The following EEF1A1 variants were observed in gnomAD, a reference collection of about 807,000 sequenced individuals.
EEF1A1 encodes eukaryotic translation elongation factor 1 alpha 1, also known as elongation factor 1-alpha 1.
A neutral mutation model predicts 38.5 loss-of-function variants in EEF1A1; 1 was observed. That is an observed-to-expected ratio of 0.03 (90% CI 0.01 to 0.12). The LOEUF is 0.12. Ranked by LOEUF, EEF1A1 falls within the 10% of genes least tolerant of loss-of-function variation. The pLI, the probability that EEF1A1 is intolerant of heterozygous loss-of-function variation, is 1.00. For missense variants in EEF1A1, 184 were observed against 588.3 expected (o/e 0.31, Z 7.11); for synonymous variants, 229 against 203.7 (o/e 1.12, Z -1.06).
intron 1 of EEF1A1, 146 bp from the exon 2 acceptor site, chr6:73,520,202 A>G: frequency 1.4e-6 from 1 of 700,334 alleles, no homozygotes; most frequent in Non-Finnish European, 2.3e-6. Flanking sequence ...AGTGTGGGGA[A>G]ACTCCATCGC....
At chr6:73,519,740 CA>C in intron 2 of EEF1A1, 142 bp downstream of exon 2, 1 of 1,348,752 alleles carries the variant, frequency 7.4e-7, no homozygotes, top group South Asian at 1.4e-5. Context: ...CAGAAGTCAC[CA>C]AAAGCAAAAT....
intron 2 of EEF1A1, among the ~76,000 whole-genome samples, 159 bp from the exon 3 acceptor site, chr6:73,519,675 T>C (rs1765602670): frequency 6.6e-6 from 1 of 152,194 alleles, no homozygotes; most frequent in South Asian, 2.1e-4. Context: ...ATCAAACTTT[T>C]ATAAGTCGGA....
Position 73,517,713 on chromosome 6 carries a change from T to C in EEF1A1, c.*97A>G, listed in dbSNP as rs1404815669. 2 of 633,648 alleles carry C rather than the reference T, an allele frequency of 3.2e-6. No homozygotes were observed. The highest frequency in any genetic ancestry group is 5.4e-6 in the Non-Finnish European group (2 of 367,948). The allele number at this position is 633,648 out of a possible 1,614,324, so 39.3% of individuals were successfully genotyped here. On this transcript the variant is annotated 3_prime_UTR_variant, in exon 8 of 8. Transcript: ENST00000309268. ...TGCATTGTTATCATTAACCAGTCTT[T>C]TACTACTAAACTTAAATGGCCAATT...
chr6:73,519,317 GAATTAT>G lies in EEF1A1; in HGVS notation c.324+14_324+19del. Reference sequence around the variant, plus strand: ...AAGCCTTTTGGGATAAAGAAACCTAGAATTATTAATCCCACCAACCTGAGATGTCCC... The same window carrying G: ...AAGCCTTTTGGGATAAAGAAACCTAGTAATCCCACCAACCTGAGATGTCCC... On this transcript the variant is annotated intron_variant, in intron 3 of 7. Coordinates refer to ENST00000309268, the MANE Select transcript of EEF1A1 (RefSeq NM_001402.6). The G allele has an allele frequency of 1.9e-6, 3 of 1,606,756 alleles. No individual in the cohort carries two copies. The highest frequency in any genetic ancestry group is 2.6e-6 in the Non-Finnish European group (3 of 1,175,430).
At position 73,517,828 on chromosome 6, in the gene EEF1A1, T is replaced by C; in HGVS notation, c.1371A>G (p.Lys457=). ...ATAATATTCATTTAGCCTTCTGAGC[T>C]TTCTGGGCAGACTTGGTGACCTTGC... ...GAGKVTKSAQ[K]AQKAK Residue 457 remains lysine (K), a synonymous_variant, in exon 8 of 8, where the codon AAA becomes AAG. Transcript: ENST00000309268. 6.3e-7 allele frequency: 1 copy of C among 1,580,014 alleles called. No homozygotes were observed.
rs889989006 is a variant in EEF1A1 at position 73,518,067 on chromosome 6, G to A, written c.1227C>T (p.Pro409=). The change falls in exon 7 of 8, where the codon CCC becomes CCT. Residue 409 remains proline, a synonymous_variant. Transcript: ENST00000309268. Reference sequence around the variant, plus strand: ...AGTCTGAGAAGCTCTCAACACACATGGGCTTGCCAGGAACCATATCAACAA... The same window carrying A: ...AGTCTGAGAAGCTCTCAACACACATAGGCTTGCCAGGAACCATATCAACAA... The part of the protein sequence containing the change: ...AAIVDMVPGK[P]MCVESFSDYP... The A allele has an allele frequency of 1.3e-6, 2 of 1,584,654 alleles. No homozygotes were observed. The highest frequency in any genetic ancestry group is 2.7e-5 in the African/African-American group (2 of 74,232).
Position 73,519,394 on chromosome 6 carries a change from G to T in EEF1A1, c.267C>A (p.Ile89=), listed in dbSNP as rs1186371552. 3 of 1,611,296 alleles carry T rather than the reference G, an allele frequency of 1.9e-6. No individual in the cohort carries two copies. Among genetic ancestry groups the T allele is most frequent in the Non-Finnish European group, 2.5e-6 (3 of 1,179,664 alleles). The part of the protein sequence containing the change: ...KFETSKYYVT[I]IDAPGHRDFI... ...AGTCTCTGTGTCCTGGGGCATCAATGATAGTCACATAGTACTTGCTGGTCT... is the reference window on the plus strand; with the variant it reads ...AGTCTCTGTGTCCTGGGGCATCAATTATAGTCACATAGTACTTGCTGGTCT... The change falls in exon 3 of 8, where the codon ATC becomes ATA. Residue 89 remains isoleucine (I), a synonymous_variant. Transcript: ENST00000309268.
chr6:73,520,465 C>T lies in EEF1A1; in HGVS notation c.-30-409G>A, dbSNP rs560493203. 469 of 158,410 alleles carry T rather than the reference C, an allele frequency of 3.0e-3. 2 individuals carry two copies. The highest frequency in any genetic ancestry group is 0.011 in the African/African-American group (437 of 41,604). 9.8% of individuals were successfully genotyped at this position (158,410 alleles called of 1,614,324 possible). ...ACGCAACTGGTGCCGACCGGGCCAG[C>T]CTTGCCGCCCAGGGCGGGGCGATAC... is the stretch of plus-strand genomic sequence containing the variant. On this transcript the variant is annotated intron_variant, in intron 1 of 7. Coordinates refer to ENST00000309268, the MANE Select transcript of EEF1A1 (RefSeq NM_001402.6).
chr6:73,516,750 C>CAGG lies in EEF1A1; in HGVS notation c.*1057_*1059dup, dbSNP rs1765525742. 1 of 152,104 alleles carries CAGG rather than the reference C, an allele frequency of 6.6e-6. No individual in the cohort carries two copies. Among genetic ancestry groups the CAGG allele is most frequent in the South Asian group, 2.1e-4 (1 of 4,830 alleles). 9.4% of individuals were successfully genotyped at this position (152,104 alleles called of 1,614,324 possible). A position where few individuals can be genotyped will look rare whatever the true frequency, so the allele number is the denominator to read the frequency against. The stretch of plus-strand genomic sequence containing the variant: ...CAGTGGCTCATGCCTGTAATCCCAG[C>CAGG]AGGAAGATCGCGAAAAGCATTTTTC... On this transcript the variant is annotated 3_prime_UTR_variant, in exon 8 of 8. Coordinates refer to ENST00000309268, the MANE Select transcript of EEF1A1 (RefSeq NM_001402.6).
Position 73,518,013 on chromosome 6 carries a change from T to G in EEF1A1, c.1264+17A>C. 6.2e-7 allele frequency: 1 copy of G among 1,606,484 alleles called. No homozygotes were observed. The highest frequency in any genetic ancestry group is 8.5e-7 in the Non-Finnish European group (1 of 1,175,480). ...ATCTTTAACACAACTTTTTTACATT[T>G]AAGTAGTCATCCTTACCCAAAGGTG... On this transcript the variant is annotated intron_variant, in intron 7 of 7. Coordinates refer to ENST00000309268, the MANE Select transcript of EEF1A1 (RefSeq NM_001402.6).
At chr6:73,520,080 G>C (rs1293687011) in intron 1 of EEF1A1, 24 bp from the exon 2 acceptor site, 1 of 1,568,006 alleles carries the variant, frequency 6.4e-7, no homozygotes, top group African/African-American at 1.4e-5. Context: ...AAAAAACTTT[G>C]AACCACTGTC....
In EEF1A1 at chr6:73,518,348, T is replaced by C. The variant is rs1765575781; in HGVS notation, c.1029+6A>G. The C allele has an allele frequency of 6.2e-7, 1 of 1,612,606 alleles. No individual in the cohort carries two copies. The highest frequency in any genetic ancestry group is 1.7e-5 in the Admixed American group (1 of 59,950). On this transcript the variant is annotated splice_donor_region_variant and intron_variant, in intron 6 of 7. Transcript: ENST00000309268. ...GCAATAAGTTAATGTTACTTTAAAT[T>C]GTTACCTGAGCAGTGAAGCCAGCTG...
Position 73,517,894 on chromosome 6 carries a change from C to T in EEF1A1, c.1305G>A (p.Val435=), listed in dbSNP as rs973443899. 6.2e-7 allele frequency: 1 copy of T among 1,612,304 alleles called. No individual in the cohort carries two copies. Among genetic ancestry groups the T allele is most frequent in the Admixed American group, 1.7e-5 (1 of 59,622 alleles). The stretch of plus-strand genomic sequence containing the variant: ...TCTTGTCCACTGCTTTGATGACACC[C>T]ACCGCAACTGTCTGTCTCATATCAC... ...AVRDMRQTVA[V]GVIKAVDKKA... is the part of the protein sequence containing the mutation. Residue 435 remains valine, a synonymous_variant, in exon 8 of 8, where the codon GTG becomes GTA. Coordinates refer to ENST00000309268, the MANE Select transcript of EEF1A1 (RefSeq NM_001402.6).
At position 73,516,202 on chromosome 6, in the gene EEF1A1, TAC is replaced by T. The variant is rs1334842535; in HGVS notation, c.*1606_*1607del. On this transcript the variant is annotated 3_prime_UTR_variant, in exon 8 of 8. Transcript: ENST00000309268. The stretch of plus-strand genomic sequence containing the variant: ...ATGAGGGAAAACGATAACACTTCAT[TAC>T]AGACTTGTCTATGGCCAATTCAAGT... The T allele has an allele frequency of 2.6e-5, 4 of 151,090 alleles. No individual in the cohort carries two copies. Among genetic ancestry groups the T allele is most frequent in the East Asian group, 1.9e-4 (1 of 5,172 alleles). The allele number at this position is 151,090 out of a possible 1,614,324, so 9.4% of individuals were successfully genotyped here.
chr6:73,519,786 A>C, intron 2 of EEF1A1, 97 bp downstream of exon 2: 2 of 1,526,420 alleles, frequency 1.3e-6, no homozygotes, highest in East Asian at 4.5e-5. Context: ...ATTAGCATTC[A>C]GATCTAAACC....
In EEF1A1 at chr6:73,518,536, C is replaced by T. The variant is rs1407624371; in HGVS notation, c.847G>A (p.Val283Ile). Residue 283 changes from valine (V) to isoleucine (I), a missense_variant, in exon 6 of 8, where the codon GTC (valine) becomes ATC (isoleucine). Physicochemically the swap from Val to Ile is conservative, Grantham distance 29. Transcript: ENST00000309268. Reference protein sequence around the residue: ...KPGMVVTFAPVNVTTEVKSVE... With the variant: ...KPGMVVTFAPINVTTEVKSVE... ...GATTTTACTTCCGTTGTAACGTTGA[C>T]TGGAGCAAAGGTGACCACCATACCG... The T allele has an allele frequency of 2.5e-6, 4 of 1,613,900 alleles. No homozygotes were observed. Among genetic ancestry groups the T allele is most frequent in the Non-Finnish European group, 3.4e-6 (4 of 1,179,938 alleles).
intron 1 of EEF1A1, 116 bp from the exon 2 acceptor site, chr6:73,520,172 A>C: frequency 1.0e-6 from 1 of 973,668 alleles, no homozygotes; most frequent in Non-Finnish European, 1.5e-6. Context: ...AGCTGGCCTA[A>C]CTTCAGTCTC....
Position 73,519,317 on chromosome 6 carries a change from G to C in EEF1A1, c.324+20C>G. On this transcript the variant is annotated intron_variant, in intron 3 of 7. Coordinates refer to ENST00000309268, the MANE Select transcript of EEF1A1 (RefSeq NM_001402.6). ...AAGCCTTTTGGGATAAAGAAACCTA[G>C]AATTATTAATCCCACCAACCTGAGA... 6.2e-7 allele frequency: 1 copy of C among 1,606,756 alleles called. No homozygotes were observed.
rs1765538090 is a variant in EEF1A1 at position 73,517,131 on chromosome 6, T to TTTCA, written c.*675_*678dup. The stretch of plus-strand genomic sequence containing the variant: ...TCTTATGTCATGGCAAATAGTCAAC[T>TTTCA]TTCACTGCCCAGTCATTTTAACCCA... On this transcript the variant is annotated 3_prime_UTR_variant, in exon 8 of 8. Transcript: ENST00000309268. The TTTCA allele has an allele frequency of 6.6e-6, 1 of 152,294 alleles. No individual in the cohort carries two copies. The allele number at this position is 152,294 out of a possible 1,614,324, so 9.4% of individuals were successfully genotyped here.
Sources: allele counts gnomAD v4.1 joint callset (sites outside exome capture counted in the v4.1 genomes callset), GRCh38; gene constraint gnomAD v4.1.1; transcripts MANE v1.5; gene names NCBI Gene and HGNC (gene_info 2026-07-23, HGNC 2026-07-21).